TERF1: variants seen among roughly 807,000 people sequenced by gnomAD.
TERF1 encodes telomeric repeat binding factor 1, also known as telomeric repeat-binding factor 1.
In TERF1, 20 loss-of-function variants were observed where a neutral mutation model predicts 55.1. That is an observed-to-expected ratio of 0.36 (90% CI 0.26 to 0.53). The LOEUF is 0.53. Ranked by LOEUF, TERF1 falls within the 20% of genes least tolerant of loss-of-function variation. The pLI, the probability that TERF1 is intolerant of heterozygous loss-of-function variation, is 0.91. For synonymous variants in TERF1, 168 were observed against 181.2 expected, an observed-to-expected ratio of 0.93 and a Z score of 0.59; for missense variants, 439 against 535.7, an observed-to-expected ratio of 0.82 and a Z score of 1.78.
intron 4 of TERF1, 151 bp from the exon 5 acceptor site, chr8:73,024,671 T>C (rs976248610): frequency 1.4e-5 from 8 of 570,692 alleles, no homozygotes; most frequent in Admixed American, 3.8e-5. Context: ...AAAAGGTACA[T>C]TGGCATGCCA....
intron 2 of TERF1, among the ~76,000 whole-genome samples, chr8:73,019,840 G>A (rs1360629126): frequency 6.6e-6 from 1 of 152,150 alleles, no homozygotes; most frequent in Non-Finnish European, 1.5e-5. Flanking sequence ...CTTCAGAGAG[G>A]TCTTTAACCT....
intron 9 of TERF1, among the ~76,000 whole-genome samples, chr8:73,045,226 G>A (rs1809985567): frequency 6.6e-6 from 1 of 152,196 alleles, no homozygotes; most frequent in African/African-American, 2.4e-5. Context: ...CTGAATGAGT[G>A]TGGGTTGATG....
At chr8:73,044,002 T>A (rs1270010462) in intron 9 of TERF1, among the ~76,000 whole-genome samples, 1 of 152,240 alleles carries the variant, frequency 6.6e-6, no homozygotes, top group African/African-American at 2.4e-5. Context: ...TATACTTTTC[T>A]GTGGAGTACG....
intron 7 of TERF1, chr8:73,030,728 C>A (rs117241382): frequency 1.3e-4 from 26 of 196,762 alleles, no homozygotes; most frequent in Non-Finnish European, 2.1e-4. Context: ...ATGGCAATTA[C>A]ATTTCTAATG....
intron 8 of TERF1, among the ~76,000 whole-genome samples, chr8:73,033,652 C>G (rs1271512005): frequency 6.6e-6 from 1 of 152,122 alleles, no homozygotes; most frequent in African/African-American, 2.4e-5. Context: ...GAGAATCCAG[C>G]TTGAACCTAG....
chr8:73,022,480 A>T lies in TERF1; in HGVS notation c.624+178A>T, dbSNP rs777139523. Among the ~76,000 whole-genome samples, 156 of 152,158 alleles carry T rather than the reference A, an allele frequency of 1.0e-3. 1 individual carries two copies. Among genetic ancestry groups the T allele is most frequent in the Non-Finnish European group, 1.4e-3 (98 of 68,018 alleles). On this transcript the variant is annotated intron_variant, in intron 4 of 9. Transcript: ENST00000276603. ...GATTTAAAATTTTCTAATAAGCTGG[A>T]CGCAGTAGCTTACACCTATAATTCC...
At chr8:73,041,932 AGC>A (rs1563475360) in intron 9 of TERF1, among the ~76,000 whole-genome samples, 1 of 152,170 alleles carries the variant, frequency 6.6e-6, no homozygotes, top group Non-Finnish European at 1.5e-5. Context: ...TATTGGCTCC[AGC>A]TGTGAGCTTC....
At chr8:73,044,771 C>T (rs548752212) in intron 9 of TERF1, among the ~76,000 whole-genome samples, 62 of 152,126 alleles carry the variant, frequency 4.1e-4, no homozygotes, top group African/African-American at 1.5e-3. Flanking sequence ...CTATTCTAGG[C>T]ACCTCATATC....
intron 1 of TERF1, chr8:73,011,558 A>C (rs1388090525): frequency 6.6e-6 from 1 of 152,294 alleles, no homozygotes; most frequent in African/African-American, 2.4e-5. Flanking sequence ...TGTCTCACAA[A>C]AAAACAAAAT....
intron 8 of TERF1, 88 bp from the exon 9 acceptor site, chr8:73,039,028 A>G: frequency 2.0e-6 from 2 of 993,646 alleles, no homozygotes; most frequent in East Asian, 5.4e-5. Flanking sequence ...AGCTTAGAAA[A>G]GGAATTTCAT....
intron 6 of TERF1, among the ~76,000 whole-genome samples, chr8:73,029,135 T>C (rs569109748): frequency 1.3e-5 from 2 of 152,264 alleles, no homozygotes; most frequent in South Asian, 2.1e-4. Flanking sequence ...AAAGCAAGTA[T>C]AGAATCAGAA....
At chr8:73,035,963 A>C (rs1478952420) in intron 8 of TERF1, among the ~76,000 whole-genome samples, 1 of 152,238 alleles carries the variant, frequency 6.6e-6, no homozygotes, top group Non-Finnish European at 1.5e-5. Flanking sequence ...ATAGATACAA[A>C]AGGTAGACAA....
rs181115141 is a variant in TERF1 at position 73,037,141 on chromosome 8, A to G, written c.1040-1975A>G. 6.8e-3 allele frequency among the ~76,000 whole-genome samples: 846 copies of G among 124,484 alleles called. 7 individuals carry two copies. Among genetic ancestry groups the G allele is most frequent in the Non-Finnish European group, 0.011 (693 of 60,352 alleles). The allele number at this position is 124,484 out of a possible 152,430, so 81.7% of individuals were successfully genotyped here. ...ATATATACTATATAATTAATAATTT[A>G]TATATTATAATATATAATAATTTAT... On this transcript the variant is annotated intron_variant, in intron 8 of 9. Transcript: ENST00000276603.
chr8:73,040,798 T>C (rs1337868960), intron 9 of TERF1, among the ~76,000 whole-genome samples: 1 of 152,222 alleles, frequency 6.6e-6, no homozygotes, highest in African/African-American at 2.4e-5. Flanking sequence ...TTCATTCTTT[T>C]TTCTGTTTAC....
chr8:73,047,971 T>A lies in TERF1; in HGVS notation c.*1834T>A, dbSNP rs899138013. The A allele has an allele frequency of 6.6e-6, 1 of 152,210 alleles. No individual in the cohort carries two copies. The highest frequency in any genetic ancestry group is 6.5e-5 in the Admixed American group (1 of 15,276). 9.4% of individuals were successfully genotyped at this position (152,210 alleles called of 1,614,324 possible). On this transcript the variant is annotated 3_prime_UTR_variant, in exon 10 of 10. Transcript: ENST00000276603. ...ACTAGAAAAGAAAAATCGGTATCAATTATAGTATGGTGCTTTCTTATTTTG... is the reference window on the plus strand; with the variant it reads ...ACTAGAAAAGAAAAATCGGTATCAAATATAGTATGGTGCTTTCTTATTTTG...
At chr8:73,026,559 T>C (rs1382515301) in intron 5 of TERF1, among the ~76,000 whole-genome samples, 2 of 152,154 alleles carry the variant, frequency 1.3e-5, no homozygotes, top group Non-Finnish European at 2.9e-5. Context: ...GGCCTCCAAA[T>C]TTTTAAGTTG....
At chr8:73,039,072 T>C (rs201294990) in intron 8 of TERF1, 44 bp from the exon 9 acceptor site, 20 of 1,249,514 alleles carry the variant, frequency 1.6e-5, no homozygotes, top group African/African-American at 3.1e-5. Flanking sequence ...CTCTTTTTTC[T>C]TTAATGTAAA....
At chr8:73,038,242 G>A (rs962644353) in intron 8 of TERF1, among the ~76,000 whole-genome samples, 1 of 151,886 alleles carries the variant, frequency 6.6e-6, no homozygotes, top group Non-Finnish European at 1.5e-5. Context: ...TTGAGCCCAG[G>A]AATTAAGAGA....
intron 6 of TERF1, chr8:73,029,839 T>C (rs948485888): frequency 6.6e-6 from 1 of 152,186 alleles, no homozygotes; most frequent in African/African-American, 2.4e-5. Flanking sequence ...AGTGAAAGCA[T>C]GGAGGTGTAA....
Sources: allele counts gnomAD v4.1 joint callset (sites outside exome capture counted in the v4.1 genomes callset), GRCh38; gene constraint gnomAD v4.1.1; transcripts MANE v1.5; gene names NCBI Gene and HGNC (gene_info 2026-07-23, HGNC 2026-07-21).